Variants in KIF16B observed in about 807,000 individuals in gnomAD.
KIF16B encodes the protein kinesin family member 16B, also known as kinesin-like protein KIF16B.
A neutral mutation model predicts 156.3 loss-of-function variants in KIF16B; 98 were observed. That is an observed-to-expected ratio of 0.63 (90% CI 0.53 to 0.74). The LOEUF (loss-of-function observed/expected upper bound fraction) is 0.74. Among genes scored for constraint, KIF16B ranks in the 30% least tolerant of loss-of-function variants. The probability of loss-of-function intolerance (pLI) is 0.00; values close to 1 mark genes in which losing one functional copy is unlikely to be tolerated. For synonymous variants in KIF16B, 564 were observed against 583.7 expected, an observed-to-expected ratio of 0.97 and a Z score of 0.49; for missense variants, 1,421 against 1,606.5, an observed-to-expected ratio of 0.88 and a Z score of 1.97.
chr20:16,546,019 T>C (rs2070393356), intron 1 of KIF16B, among the ~76,000 whole-genome samples: 2 of 152,184 alleles, frequency 1.3e-5, no homozygotes, highest in Admixed American at 6.5e-5. Flanking sequence ...TCAAACTAAA[T>C]TGCAAGACTT....
At chr20:16,362,641 T>C (rs954374305) in intron 22 of KIF16B, among the ~76,000 whole-genome samples, 2 of 152,190 alleles carry the variant, frequency 1.3e-5, no homozygotes, top group Non-Finnish European at 2.9e-5. Context: ...TGGACAAATA[T>C]ATATATTCTA....
chr20:16,371,693 C>A lies in KIF16B; in HGVS notation c.3419G>T (p.Gly1140Val), dbSNP rs547335822. ...LQDLHRVISE[G>V]CSTSADTMKD... ...CATCGTGTCTGCAGATGTACTGCAG[C>A]CTTCACTAATCACACGATGCAAATC... The change falls in exon 21 of 26, where the codon GGC becomes GTC. Residue 1140 changes from glycine to valine, a missense_variant. Physicochemically the swap from Gly to Val is moderately radical, Grantham distance 109. Transcript: ENST00000354981. 1.2e-6 allele frequency: 2 copies of A among 1,613,674 alleles called. No individual in the cohort carries two copies. Among genetic ancestry groups the A allele is most frequent in the South Asian group, 1.1e-5 (1 of 91,054 alleles).
At chr20:16,564,825 C>G (rs1178065366) in intron 1 of KIF16B, among the ~76,000 whole-genome samples, 6 of 152,144 alleles carry the variant, frequency 3.9e-5, no homozygotes, top group Non-Finnish European at 7.3e-5. Flanking sequence ...GCACAAGCCT[C>G]CCACAACCAT....
chr20:16,493,959 C>T (rs2068373082), intron 12 of KIF16B, among the ~76,000 whole-genome samples: 1 of 151,984 alleles, frequency 6.6e-6, no homozygotes, highest in Non-Finnish European at 1.5e-5. Flanking sequence ...TTAACAAAAG[C>T]AGAAAAACAA....
chr20:16,561,071 C>T lies in KIF16B; in HGVS notation c.47+12158G>A, dbSNP rs187215163. Among the ~76,000 whole-genome samples the T allele has an allele frequency of 7.2e-3, 1,090 of 152,084 alleles. 7 individuals are homozygous for T. The highest frequency in any genetic ancestry group is 0.011 in the Non-Finnish European group (759 of 68,002). ...TTGGGAGGCTGAGGTGGGTGGGTCA[C>T]CTGAGGTCAGGAGTTCAAGACCAGC... On this transcript the variant is annotated intron_variant, in intron 1 of 25. Coordinates refer to ENST00000354981, the MANE Select transcript of KIF16B (RefSeq NM_024704.5).
intron 24 of KIF16B, among the ~76,000 whole-genome samples, chr20:16,325,665 C>T (rs1287453005): frequency 6.6e-6 from 1 of 151,364 alleles, no homozygotes. Context: ...CAAATGGAAA[C>T]ACATCCCATG....
At chr20:16,410,100 T>C (rs191049397) in intron 15 of KIF16B, among the ~76,000 whole-genome samples, 4,360 of 101,326 alleles carry the variant, frequency 0.043, 282 homozygotes, top group East Asian at 0.26. Context: ...GGTACATATA[T>C]ATATATGTAG....
At chr20:16,562,359 T>C (rs771190737) in intron 1 of KIF16B, among the ~76,000 whole-genome samples, 1 of 152,164 alleles carries the variant, frequency 6.6e-6, no homozygotes, top group Non-Finnish European at 1.5e-5. Flanking sequence ...GTAAACTTAA[T>C]ACACGGGAAA....
chr20:16,487,617 T>A (rs888035864), intron 12 of KIF16B, among the ~76,000 whole-genome samples: 2 of 152,140 alleles, frequency 1.3e-5, no homozygotes, highest in Non-Finnish European at 2.9e-5. Context: ...AAAGCATGCC[T>A]CCCCATGAAA....
chr20:16,566,646 A>C (rs2071267158), intron 1 of KIF16B, among the ~76,000 whole-genome samples: 2 of 152,234 alleles, frequency 1.3e-5, no homozygotes, highest in African/African-American at 2.4e-5. Flanking sequence ...GAAGAAACTG[A>C]GGCACAGACA....
At chr20:16,404,505 G>C (rs1431524905) in intron 17 of KIF16B, among the ~76,000 whole-genome samples, 1 of 152,164 alleles carries the variant, frequency 6.6e-6, no homozygotes. Flanking sequence ...AGTAATCAAA[G>C]TGCCAACTCT....
At chr20:16,566,222 C>T (rs1354214574) in intron 1 of KIF16B, among the ~76,000 whole-genome samples, 1 of 152,206 alleles carries the variant, frequency 6.6e-6, no homozygotes, top group Non-Finnish European at 1.5e-5. Flanking sequence ...AGAATCCAAT[C>T]GCCATGGGTC....
At chr20:16,475,623 A>C (rs1476214965) in intron 12 of KIF16B, among the ~76,000 whole-genome samples, 1 of 152,268 alleles carries the variant, frequency 6.6e-6, no homozygotes, top group African/African-American at 2.4e-5. Flanking sequence ...ACGAAGGATG[A>C]CAGAAATAAT....
chr20:16,384,612 T>C (rs777845438), intron 17 of KIF16B, among the ~76,000 whole-genome samples: 1 of 151,994 alleles, frequency 6.6e-6, no homozygotes, highest in Non-Finnish European at 1.5e-5. Context: ...GAACACATAC[T>C]CTTGGTGTTT....
chr20:16,350,509 G>A (rs1253803418), intron 23 of KIF16B, among the ~76,000 whole-genome samples: 1 of 152,104 alleles, frequency 6.6e-6, no homozygotes, highest in Non-Finnish European at 1.5e-5. Context: ...GTATACTGGA[G>A]CGCTGGAGGG....
At chr20:16,293,546 T>C (rs1301674403) in intron 25 of KIF16B, among the ~76,000 whole-genome samples, 1 of 152,076 alleles carries the variant, frequency 6.6e-6, no homozygotes, top group Non-Finnish European at 1.5e-5. Flanking sequence ...TAGAGAGGTG[T>C]TTCATTAAAG....
intron 12 of KIF16B, among the ~76,000 whole-genome samples, chr20:16,443,526 TC>T (rs1301595136): frequency 1.3e-5 from 2 of 152,194 alleles, no homozygotes; most frequent in Non-Finnish European, 1.5e-5. Context: ...GAACGCCAGC[TC>T]CAAAGGGGTC....
At chr20:16,322,666 G>A (rs1379731915) in intron 24 of KIF16B, among the ~76,000 whole-genome samples, 1 of 151,910 alleles carries the variant, frequency 6.6e-6, no homozygotes, top group East Asian at 1.9e-4. Flanking sequence ...CCGGTGAACT[G>A]ACACAGCCCA....
intron 1 of KIF16B, among the ~76,000 whole-genome samples, chr20:16,544,014 G>A (rs899295533): frequency 2.2e-4 from 34 of 152,144 alleles, no homozygotes; most frequent in African/African-American, 8.2e-4. Flanking sequence ...GTAAGCTTGG[G>A]ATCCCAGGGG....
Sources: allele counts gnomAD v4.1 joint callset (sites outside exome capture counted in the v4.1 genomes callset), GRCh38; gene constraint gnomAD v4.1.1; transcripts MANE v1.5; gene names NCBI Gene and HGNC (gene_info 2026-07-23, HGNC 2026-07-21).